The following MALRD1 variants were observed in gnomAD, a reference collection of about 807,000 sequenced individuals.
The protein encoded by MALRD1 is MAM and LDL receptor class A domain containing 1.
Under a neutral mutation model 242.1 loss-of-function variants are expected in MALRD1, and 247 were observed. The observed-to-expected ratio is 1.02, with a 90% CI of 0.92 to 1.13. The LOEUF is 1.13. Among genes scored for constraint, MALRD1 ranks in the 50% most tolerant of loss-of-function variants. MALRD1 has a pLI of 0.00. For synonymous variants in MALRD1, 995 were observed against 866.6 expected, an observed-to-expected ratio of 1.15 and a Z score of -2.60; for missense variants, 2,989 against 2,533.1, an observed-to-expected ratio of 1.18 and a Z score of -3.86.
intron 18 of MALRD1, among the ~76,000 whole-genome samples, chr10:19,217,392 C>T (rs979542172): frequency 1.6e-4 from 24 of 151,860 alleles, no homozygotes; most frequent in African/African-American, 5.6e-4. Flanking sequence ...TTGGAAAATA[C>T]CTACTCATTT....
chr10:19,462,444 G>A (rs749276962), intron 29 of MALRD1, among the ~76,000 whole-genome samples: 2 of 152,202 alleles, frequency 1.3e-5, no homozygotes, highest in African/African-American at 4.8e-5. Context: ...TTCTGCCTCC[G>A]GATCAATCCG....
chr10:19,253,816 C>T (rs868645323), intron 18 of MALRD1, among the ~76,000 whole-genome samples: 1 of 151,948 alleles, frequency 6.6e-6, no homozygotes. Context: ...AATCTGATTT[C>T]TTTCCCAATT....
intron 18 of MALRD1, among the ~76,000 whole-genome samples, chr10:19,230,970 T>C (rs1380809334): frequency 6.6e-6 from 1 of 152,164 alleles, no homozygotes; most frequent in Middle Eastern, 3.2e-3. Flanking sequence ...GAATAATTGG[T>C]TGTGGAGACT....
chr10:19,275,946 T>C (rs1237505329), intron 19 of MALRD1, among the ~76,000 whole-genome samples: 2 of 152,204 alleles, frequency 1.3e-5, no homozygotes, highest in Non-Finnish European at 2.9e-5. Context: ...TTTACTGTTC[T>C]AGTAATGTGT....
At chr10:19,589,102 A>G (rs1322633075) in intron 33 of MALRD1, among the ~76,000 whole-genome samples, 1 of 152,200 alleles carries the variant, frequency 6.6e-6, no homozygotes, top group Non-Finnish European at 1.5e-5. Flanking sequence ...AGAAATTAAA[A>G]AATTAAAAGT....
chr10:19,096,890 C>G (rs1836057350), intron 4 of MALRD1, among the ~76,000 whole-genome samples: 1 of 152,154 alleles, frequency 6.6e-6, no homozygotes, highest in African/African-American at 2.4e-5. Context: ...CTGACTCTCA[C>G]CTGGGGGCTT....
intron 32 of MALRD1, among the ~76,000 whole-genome samples, chr10:19,536,362 T>TA (rs34050191): frequency 6.6e-6 from 1 of 151,414 alleles, no homozygotes; most frequent in Non-Finnish European, 1.5e-5. Flanking sequence ...TTTTTTTTTT[T>TA]AATTATACTT....
chr10:19,609,748 G>A lies in MALRD1; in HGVS notation c.6070+1846G>A, dbSNP rs149809064. Among the ~76,000 whole-genome samples the A allele has an allele frequency of 4.7e-3, 710 of 152,152 alleles. 5 individuals carry two copies. The highest frequency in any genetic ancestry group is 0.01 in the Middle Eastern group (3 of 294). ...CTTTGCAACCAGAAATTATTGGCCAGCATTTGTCTGGCTAAATCTAAACTG... is the reference window on the plus strand; with the variant it reads ...CTTTGCAACCAGAAATTATTGGCCAACATTTGTCTGGCTAAATCTAAACTG... On this transcript the variant is annotated intron_variant, in intron 35 of 39. Coordinates refer to ENST00000454679, the MANE Select transcript of MALRD1 (RefSeq NM_001142308.3).
At chr10:19,047,104 G>A (rs1400587723), upstream of MALRD1, among the ~76,000 whole-genome samples, 1 of 152,194 alleles carries the variant, frequency 6.6e-6, no homozygotes, top group East Asian at 1.9e-4. Context: ...GAAATGAGTT[G>A]TGAGTACCAG....
chr10:19,360,892 G>A (rs1399146568), intron 26 of MALRD1, among the ~76,000 whole-genome samples: 1 of 151,868 alleles, frequency 6.6e-6, no homozygotes, highest in South Asian at 2.1e-4. Flanking sequence ...AAAATCTCTG[G>A]TTAAGGTAAC....
chr10:19,167,660 C>G (rs1834756028), intron 13 of MALRD1, among the ~76,000 whole-genome samples: 1 of 152,248 alleles, frequency 6.6e-6, no homozygotes, highest in Middle Eastern at 3.4e-3. Flanking sequence ...GGCGAAGTCT[C>G]TTACCTTTAG....
chr10:19,273,720 T>G (rs960359020), intron 19 of MALRD1, among the ~76,000 whole-genome samples: 4 of 152,148 alleles, frequency 2.6e-5, no homozygotes, highest in Non-Finnish European at 4.4e-5. Context: ...TGCCATTGTT[T>G]AGGGGAGAGG....
chr10:19,389,734 G>A (rs1028077725), intron 28 of MALRD1, 125 bp downstream of exon 28: 2 of 1,004,598 alleles, frequency 2.0e-6, no homozygotes, highest in African/African-American at 1.6e-5. Context: ...CCAACTCCTG[G>A]ACTCAAGCGA....
chr10:19,541,548 T>G (rs1437251393), intron 32 of MALRD1, among the ~76,000 whole-genome samples: 1 of 152,014 alleles, frequency 6.6e-6, no homozygotes, highest in African/African-American at 2.4e-5. Flanking sequence ...AAGCAAAGTA[T>G]TTTTTTTCTC....
intron 19 of MALRD1, among the ~76,000 whole-genome samples, chr10:19,272,949 G>T (rs1340968690): frequency 6.6e-6 from 1 of 152,098 alleles, no homozygotes; most frequent in Non-Finnish European, 1.5e-5. Context: ...CATTTGGGTT[G>T]GTTCCAAATG....
intron 1 of MALRD1, 147 bp downstream of exon 1, chr10:19,049,284 T>C (rs1293803975): frequency 6.0e-6 from 3 of 503,520 alleles, no homozygotes; most frequent in Admixed American, 4.4e-5. Flanking sequence ...AACTAAGATA[T>C]ATTGTTTACT....
chr10:19,394,627 C>T (rs1164045545), intron 28 of MALRD1, among the ~76,000 whole-genome samples: 1 of 152,170 alleles, frequency 6.6e-6, no homozygotes, highest in East Asian at 1.9e-4. Flanking sequence ...CCCACCTCCA[C>T]CCCATCCTCT....
intron 13 of MALRD1, among the ~76,000 whole-genome samples, chr10:19,171,457 T>TATATATATATACACACACAC (rs1166665866): frequency 4.0e-5 from 3 of 74,556 alleles, no homozygotes; most frequent in African/African-American, 1.3e-4. Context: ...TATATATATA[T>TATATATATATACACACACAC]ACACACATGT....
chr10:19,639,962 G>C (rs571258632), intron 36 of MALRD1, among the ~76,000 whole-genome samples: 2 of 152,298 alleles, frequency 1.3e-5, no homozygotes, highest in African/African-American at 4.8e-5. Context: ...CAGCAAAGCT[G>C]TGCAGGTTCC....
Sources: gnomAD v4.1 joint callset for allele counts (sites outside exome capture counted in the v4.1 genomes callset) on GRCh38, gnomAD v4.1.1 for gene constraint, MANE v1.5 for transcripts, NCBI Gene and HGNC (gene_info 2026-07-23, HGNC 2026-07-21) for gene names.